JHY: variants seen among roughly 807,000 people sequenced by gnomAD.
JHY encodes the protein junctional cadherin complex regulator.
A neutral mutation model predicts 78.0 loss-of-function variants in JHY; 69 were observed. That is an observed-to-expected ratio of 0.88 (90% CI 0.73 to 1.08). The LOEUF is 1.08. Among genes scored for constraint, JHY ranks in the 50% least tolerant of loss-of-function variants. JHY has a pLI of 0.00. For synonymous variants in JHY, 368 were observed against 342.6 expected, an observed-to-expected ratio of 1.07 and a Z score of -0.82; for missense variants, 944 against 927.8, an observed-to-expected ratio of 1.02 and a Z score of -0.23.
At chr11:122,908,989 C>G (rs1241197133) in intron 3 of JHY, among the ~76,000 whole-genome samples, 5 of 152,284 alleles carry the variant, frequency 3.3e-5, no homozygotes, top group African/African-American at 7.2e-5. Flanking sequence ...TCTCATTACT[C>G]TTAATTTCCA....
chr11:122,900,542 A>T (rs1862831243), intron 2 of JHY, among the ~76,000 whole-genome samples: 2 of 122,356 alleles, frequency 1.6e-5, no homozygotes, highest in African/African-American at 6.9e-5. Flanking sequence ...TTTGGTTAAG[A>T]CTGGGGGTGC....
chr11:122,900,461 C>T (rs571342426), intron 2 of JHY, among the ~76,000 whole-genome samples: 122 of 143,496 alleles, frequency 8.5e-4, no homozygotes, highest in Non-Finnish European at 1.5e-3. Flanking sequence ...AAATCTCTCC[C>T]ATTTAGCTTT....
chr11:122,931,740 C>T (rs888346624), intron 4 of JHY, among the ~76,000 whole-genome samples: 5 of 152,110 alleles, frequency 3.3e-5, no homozygotes, highest in African/African-American at 9.7e-5. Flanking sequence ...GATGAACTTT[C>T]TGGTTGAGAT....
At chr11:122,950,820 AG>A (rs1864070417) in intron 6 of JHY, among the ~76,000 whole-genome samples, 7 of 152,182 alleles carry the variant, frequency 4.6e-5, no homozygotes, top group Admixed American at 4.6e-4. Context: ...AGCGCATGGG[AG>A]GTCAGGGGAG....
chr11:122,913,722 A>C (rs1393662491), intron 3 of JHY, among the ~76,000 whole-genome samples: 1 of 152,066 alleles, frequency 6.6e-6, no homozygotes, highest in African/African-American at 2.4e-5. Context: ...TACCTCCCTC[A>C]TTCCTGAACA....
At chr11:122,888,464 G>T (rs1862542249) in intron 2 of JHY, among the ~76,000 whole-genome samples, 1 of 152,030 alleles carries the variant, frequency 6.6e-6, no homozygotes, top group South Asian at 2.1e-4. Context: ...TAAGGAAAAT[G>T]AGGCTAACAG....
intron 4 of JHY, among the ~76,000 whole-genome samples, chr11:122,930,598 C>G (rs147246034): frequency 1.3e-5 from 2 of 152,296 alleles, no homozygotes; most frequent in African/African-American, 2.4e-5. Flanking sequence ...ATGTAAGAGT[C>G]TTATCCATGC....
At chr11:122,916,717 G>A (rs1004131628) in intron 3 of JHY, among the ~76,000 whole-genome samples, 1 of 152,126 alleles carries the variant, frequency 6.6e-6, no homozygotes, top group African/African-American at 2.4e-5. Context: ...TTGGCTCACT[G>A]CAGCCTCCAC....
In JHY at chr11:122,946,597, G is replaced by T; in HGVS notation, c.1734G>T (p.Leu578=). ...AGCATCAGCAAGCCTTGGTGCAGCT[G>T]ACCGACGTGCAGCCCAGTGAAGGGG... ...MEQHQQALVQ[L]TDVQPSEGAL... The change falls in exon 6 of 9, where the codon CTG becomes CTT. Residue 578 remains leucine (L), a synonymous_variant. Coordinates refer to ENST00000227349, the MANE Select transcript of JHY (RefSeq NM_024806.4). 6.2e-7 allele frequency: 1 copy of T among 1,614,000 alleles called. No individual in the cohort carries two copies. Among genetic ancestry groups the T allele is most frequent in the South Asian group, 1.1e-5 (1 of 91,048 alleles).
intron 2 of JHY, among the ~76,000 whole-genome samples, chr11:122,892,848 G>A (rs1862654552): frequency 6.6e-6 from 1 of 152,262 alleles, no homozygotes; most frequent in African/African-American, 2.4e-5. Context: ...TTTGTAGAAT[G>A]CATCAGGAAT....
At chr11:122,892,814 T>C (rs1336708079) in intron 2 of JHY, among the ~76,000 whole-genome samples, 4 of 152,182 alleles carry the variant, frequency 2.6e-5, no homozygotes, top group Non-Finnish European at 5.9e-5. Flanking sequence ...AGGATTTTCA[T>C]TTCCCCCAAA....
At chr11:122,913,730 A>G (rs901705643) in intron 3 of JHY, among the ~76,000 whole-genome samples, 1 of 152,180 alleles carries the variant, frequency 6.6e-6, no homozygotes, top group Non-Finnish European at 1.5e-5. Context: ...TCATTCCTGA[A>G]CATCTCCTGC....
intron 2 of JHY, among the ~76,000 whole-genome samples, chr11:122,890,730 G>T (rs1451305256): frequency 6.6e-6 from 1 of 152,146 alleles, no homozygotes; most frequent in East Asian, 1.9e-4. Flanking sequence ...ATTATGGTTA[G>T]ATCCTTGGTT....
intron 5 of JHY, among the ~76,000 whole-genome samples, chr11:122,938,649 T>G (rs866585499): frequency 6.6e-6 from 1 of 152,172 alleles, no homozygotes; most frequent in Non-Finnish European, 1.5e-5. Context: ...CCTTCCACCT[T>G]AGGGCTTGTG....
At chr11:122,933,751 G>T (rs1293225157) in intron 4 of JHY, among the ~76,000 whole-genome samples, 1 of 152,190 alleles carries the variant, frequency 6.6e-6, no homozygotes, top group Non-Finnish European at 1.5e-5. Context: ...TGAGTAAAAA[G>T]ATCTGATCAT....
chr11:122,884,710 A>T (rs1362831702), intron 1 of JHY, among the ~76,000 whole-genome samples: 1 of 152,198 alleles, frequency 6.6e-6, no homozygotes, highest in Non-Finnish European at 1.5e-5. Flanking sequence ...TTTCCCCAGG[A>T]TAGCATCCCG....
intron 8 of JHY, chr11:122,958,717 C>T: frequency 1.0e-6 from 1 of 984,248 alleles, no homozygotes; most frequent in Non-Finnish European, 1.2e-6. Context: ...GAGAAAAAGA[C>T]TGCCTTTTTC....
At chr11:122,933,129 A>T (rs1320288333) in intron 4 of JHY, among the ~76,000 whole-genome samples, 2 of 152,268 alleles carry the variant, frequency 1.3e-5, no homozygotes, top group Non-Finnish European at 2.9e-5. Flanking sequence ...ATACAGGAAT[A>T]GGATGAGTCT....
At chr11:122,921,965 A>G (rs1035135355) in intron 3 of JHY, among the ~76,000 whole-genome samples, 3 of 152,192 alleles carry the variant, frequency 2.0e-5, no homozygotes, top group Admixed American at 6.5e-5. Flanking sequence ...TGGACCACAG[A>G]GCAAGATCTG....
Sources: gnomAD v4.1 joint callset for allele counts (sites outside exome capture counted in the v4.1 genomes callset) on GRCh38, gnomAD v4.1.1 for gene constraint, MANE v1.5 for transcripts, NCBI Gene and HGNC (gene_info 2026-07-23, HGNC 2026-07-21) for gene names.